The following NHSL2 variants were observed in gnomAD, a reference collection of about 807,000 sequenced individuals.
The protein encoded by NHSL2 is NHS-like protein 2.
NHSL2 carries 27 observed loss-of-function variants against 53.4 expected under a neutral mutation model. The observed-to-expected ratio is 0.51, with a 90% CI of 0.37 to 0.70. The LOEUF (loss-of-function observed/expected upper bound fraction) is 0.70. NHSL2 is among the 30% of genes least tolerant of loss of function. NHSL2 has a pLI of 0.00. For synonymous variants in NHSL2, 408 were observed against 404.1 expected (o/e 1.01, Z -0.12); for missense variants, 892 against 980.1 (o/e 0.91, Z 1.20).
intron 1 of NHSL2, among the ~76,000 whole-genome samples, chrX:72,066,849 G>A (rs780376102): frequency 4.5e-5 from 5 of 112,013 alleles, no homozygotes; most frequent in South Asian, 3.7e-4. Flanking sequence ...CTGCTTTGAG[G>A]CTGGATGTGA....
At chrX:72,067,587 T>C (rs1476163398) in intron 1 of NHSL2, among the ~76,000 whole-genome samples, 3 of 112,530 alleles carry the variant, frequency 2.7e-5, no homozygotes, top group Non-Finnish European at 5.6e-5. Context: ...TATTCACTTA[T>C]CACCTTGAAG....
chrX:71,925,730 C>T (rs2041681450), intron 1 of NHSL2, among the ~76,000 whole-genome samples: 1 of 111,947 alleles, frequency 8.9e-6, no homozygotes, highest in Non-Finnish European at 1.9e-5. Context: ...ATCATTAACT[C>T]ATTTTATCCT....
At chrX:72,101,322 C>T (rs770533753) in intron 1 of NHSL2, among the ~76,000 whole-genome samples, 12 of 110,251 alleles carry the variant, frequency 1.1e-4, no homozygotes, top group Non-Finnish European at 1.1e-4. Flanking sequence ...GGGTGGGTGT[C>T]GGCAGAATGG....
At chrX:72,023,758 A>G (rs918749443) in intron 1 of NHSL2, among the ~76,000 whole-genome samples, 2 of 111,904 alleles carry the variant, frequency 1.8e-5, no homozygotes, top group Non-Finnish European at 3.8e-5. Flanking sequence ...GGCATGCAAC[A>G]GGAAGAGAAG....
chrX:72,136,739 T>G (rs1048268854), intron 4 of NHSL2, among the ~76,000 whole-genome samples: 3 of 112,580 alleles, frequency 2.7e-5, no homozygotes, highest in Non-Finnish European at 5.6e-5. Flanking sequence ...GAATAATCAC[T>G]TGAAGACTTC....
chrX:72,044,173 C>G (rs1305256867), intron 1 of NHSL2, among the ~76,000 whole-genome samples: 1 of 111,836 alleles, frequency 8.9e-6, no homozygotes, highest in Non-Finnish European at 1.9e-5. Flanking sequence ...ATTACTGGCA[C>G]AGTGGGCAAA....
chrX:71,919,825 G>C (rs1449443028), intron 1 of NHSL2, among the ~76,000 whole-genome samples: 1 of 112,197 alleles, frequency 8.9e-6, no homozygotes, highest in African/African-American at 3.2e-5. Context: ...TGCCAAGGAG[G>C]GACTTTAATG....
At chrX:71,954,638 C>T (rs778571830) in intron 1 of NHSL2, among the ~76,000 whole-genome samples, 2 of 111,884 alleles carry the variant, frequency 1.8e-5, no homozygotes, top group Non-Finnish European at 3.8e-5. Flanking sequence ...CTCCCTTTAT[C>T]TTCTACACTC....
intron 1 of NHSL2, among the ~76,000 whole-genome samples, chrX:72,049,057 G>T (rs867588213): frequency 4.2e-5 from 3 of 71,192 alleles, no homozygotes; most frequent in Non-Finnish European, 6.1e-5. Context: ...AAGAAGAAGA[G>T]GAGCAGGAGG....
At chrX:71,993,880 A>T (rs185115448) in intron 1 of NHSL2, among the ~76,000 whole-genome samples, 3,570 of 111,564 alleles carry the variant, frequency 0.032, 145 homozygotes, top group African/African-American at 0.11. Context: ...AAAAAAAAAA[A>T]ATATATGGCC....
At chrX:72,000,836 T>C (rs1833091316) in intron 1 of NHSL2, among the ~76,000 whole-genome samples, 1 of 112,378 alleles carries the variant, frequency 8.9e-6, no homozygotes, top group Non-Finnish European at 1.9e-5. Flanking sequence ...TGTCAGCTGA[T>C]AAGTAACTTT....
At position 72,147,881 on chromosome X, in the gene NHSL2, T is replaced by G. The variant is rs1959840038; in HGVS notation, c.*4307T>G. The G allele has an allele frequency of 3.5e-5, 4 of 112,680 alleles. No homozygotes were observed. In the Admixed American group the frequency reaches 3.7e-4, roughly 11 times the overall value. 9.3% of individuals were successfully genotyped at this position (112,680 alleles called of 1,213,427 possible). ...TTGCATTTTAACAAGGGAAAAGCCTTAAGCCAATGGAATGAAGTTCTACTT... is the reference window on the plus strand; with the variant it reads ...TTGCATTTTAACAAGGGAAAAGCCTGAAGCCAATGGAATGAAGTTCTACTT... On this transcript the variant is annotated 3_prime_UTR_variant, in exon 8 of 8. Transcript: ENST00000633930.
intron 1 of NHSL2, among the ~76,000 whole-genome samples, chrX:72,048,981 AAGGAGG>A (rs765541135): frequency 3.3e-5 from 3 of 89,646 alleles, no homozygotes; most frequent in African/African-American, 7.8e-5. Context: ...GGAGGAGAAG[AAGGAGG>A]AGAAGAAGAA....
At chrX:71,984,833 T>TC (rs1454147996) in intron 1 of NHSL2, among the ~76,000 whole-genome samples, 1 of 106,266 alleles carries the variant, frequency 9.4e-6, no homozygotes, top group Admixed American at 1.0e-4. Flanking sequence ...TTCCTTTTTT[T>TC]TTTTTTTTGA....
chrX:72,065,881 A>AT lies in NHSL2; in HGVS notation c.281-66196dup, dbSNP rs765999498. On this transcript the variant is annotated intron_variant, in intron 1 of 7. Transcript: ENST00000633930. ...ATAAAGAAGAGAATGAGTAGCCCAGATTGAATGGGCAGAGGGGTCTGTTTC... is the reference window on the plus strand; with the variant it reads ...ATAAAGAAGAGAATGAGTAGCCCAGATTTGAATGGGCAGAGGGGTCTGTTTC... Among the ~76,000 whole-genome samples the AT allele has an allele frequency of 2.0e-4, 22 of 112,004 alleles. 1 individual carries two copies. The South Asian group carries it at 7.4e-3, about 38-fold the overall frequency.
intron 1 of NHSL2, among the ~76,000 whole-genome samples, chrX:71,933,099 A>G (rs891680288): frequency 2.7e-5 from 3 of 111,905 alleles, no homozygotes; most frequent in Non-Finnish European, 5.6e-5. Flanking sequence ...CCTCCTTTTT[A>G]CAGAATTCAT....
intron 1 of NHSL2, among the ~76,000 whole-genome samples, chrX:72,063,242 C>T (rs2042408997): frequency 8.9e-6 from 1 of 112,289 alleles, no homozygotes; most frequent in Non-Finnish European, 1.9e-5. Context: ...CTCCCCCAAA[C>T]TCACTTTCTA....
At chrX:72,121,288 A>C (rs897812700) in intron 1 of NHSL2, among the ~76,000 whole-genome samples, 6 of 111,792 alleles carry the variant, frequency 5.4e-5, no homozygotes, top group African/African-American at 2.0e-4. Context: ...TTCCCTCTGC[A>C]AGCCCTAAGC....
intron 1 of NHSL2, among the ~76,000 whole-genome samples, chrX:72,004,811 A>C (rs1268433197): frequency 1.0e-5 from 1 of 98,865 alleles, no homozygotes; most frequent in Non-Finnish European, 2.0e-5. Context: ...GCCCAACTTC[A>C]GCAAGATAAT....
Sources: gnomAD v4.1 joint callset for allele counts (sites outside exome capture counted in the v4.1 genomes callset) on GRCh38, gnomAD v4.1.1 for gene constraint, MANE v1.5 for transcripts, NCBI Gene and HGNC (gene_info 2026-07-23, HGNC 2026-07-21) for gene names.